The following DEDD2 variants were observed in gnomAD, a reference collection of about 807,000 sequenced individuals.
The protein encoded by DEDD2 is death effector domain containing 2, also known as DNA-binding death effector domain-containing protein 2.
DEDD2 carries 18 observed loss-of-function variants against 28.9 expected under a neutral mutation model. The observed-to-expected ratio is 0.62, with a 90% CI of 0.43 to 0.92. The LOEUF is 0.92. Ranked by LOEUF, DEDD2 falls within the 40% of genes least tolerant of loss-of-function variation. DEDD2 has a pLI of 0.00. For missense variants in DEDD2, 411 were observed against 463.3 expected (o/e 0.89, Z 1.04); for synonymous variants, 211 against 206.1 (o/e 1.02, Z -0.20).
At chr19:42,211,542 T>C (rs1431423170) in intron 3 of DEDD2, among the ~76,000 whole-genome samples, 1 of 152,106 alleles carries the variant, frequency 6.6e-6, no homozygotes, top group Admixed American at 6.5e-5. Context: ...TTCAAGTAAC[T>C]TGAAGAACAT....
chr19:42,209,940 C>A, intron 3 of DEDD2, 100 bp from the exon 4 acceptor site: 1 of 1,396,604 alleles, frequency 7.2e-7, no homozygotes, highest in South Asian at 1.5e-5. Flanking sequence ...GGTGCTGAGA[C>A]CCTGAGTGAG....
In DEDD2 at chr19:42,216,963, A is replaced by C; in HGVS notation, c.45T>G (p.Asp15Glu). The C allele has an allele frequency of 1.2e-6, 2 of 1,601,734 alleles. No homozygotes were observed. The highest frequency in any genetic ancestry group is 1.7e-6 in the Non-Finnish European group (2 of 1,174,682). Residue 15 changes from aspartate (D) to glutamate (E), a missense_variant, in exon 2 of 5, where the codon GAT becomes GAG. Physicochemically the swap from Asp to Glu is conservative, Grantham distance 45 (BLOSUM62 2). Around this residue, in one of 2 missense-constraint regions of DEDD2, gnomAD observed 282 missense variants for 273.4 expected, o/e 1.03. Coordinates refer to ENST00000596251, the MANE Select transcript of DEDD2 (RefSeq NM_133328.4). Reference sequence around the variant, plus strand: ...GCATCCCGTAGTAGTCCAGGCACTCATCCTCCTCCCAGCACGGGGCCGGGG... The same window carrying C: ...GCATCCCGTAGTAGTCCAGGCACTCCTCCTCCTCCCAGCACGGGGCCGGGG... The part of the protein sequence containing the change: ...GSTPAPCWEE[D>E]ECLDYYGMLS...
At chr19:42,201,756 C>G (rs1255973034) in intron 4 of DEDD2, 4 of 375,614 alleles carry the variant, frequency 1.1e-5, no homozygotes, top group Non-Finnish European at 1.9e-5. Flanking sequence ...CACCCAACGC[C>G]CAGGGAAGCC....
At chr19:42,217,171 G>A (rs2036013296) in intron 1 of DEDD2, 126 bp from the exon 2 acceptor site, 2 of 686,006 alleles carry the variant, frequency 2.9e-6, no homozygotes, top group Admixed American at 2.9e-5. Flanking sequence ...CAACCGCCTC[G>A]GCCTCCCCCT....
chr19:42,205,012 G>A (rs1358012078), intron 4 of DEDD2, among the ~76,000 whole-genome samples: 1 of 152,196 alleles, frequency 6.6e-6, no homozygotes, highest in Non-Finnish European at 1.5e-5. Context: ...CACACCCTCA[G>A]AAGCGGGATT....
chr19:42,207,884 C>T (rs1190264593), intron 4 of DEDD2, among the ~76,000 whole-genome samples: 2 of 151,964 alleles, frequency 1.3e-5, no homozygotes, highest in East Asian at 1.9e-4. Context: ...TGACCACATC[C>T]GGCTGGGGAC....
intron 4 of DEDD2, among the ~76,000 whole-genome samples, chr19:42,203,732 G>A (rs912397810): frequency 6.6e-6 from 1 of 152,262 alleles, no homozygotes; most frequent in South Asian, 2.1e-4. Context: ...AGAGAGGACA[G>A]GAGGCAGGAC....
chr19:42,218,200 T>C (rs994397004), upstream of DEDD2, among the ~76,000 whole-genome samples: 4 of 152,112 alleles, frequency 2.6e-5, no homozygotes, highest in Middle Eastern at 3.2e-3. Flanking sequence ...ATCTCAACTG[T>C]GCTCTCTCGT....
At position 42,215,198 on chromosome 19, in the gene DEDD2, C is replaced by T; in HGVS notation, c.383G>A (p.Gly128Asp). 1.9e-6 allele frequency: 3 copies of T among 1,613,668 alleles called. No individual in the cohort carries two copies. The South Asian group carries it at 3.3e-5, about 18-fold the overall frequency. ...TGACTGCCGACGGCGACGGCAGCTA[C>T]CCTCTGTCCTCTTTGAAGAGCTGGA... Reference protein sequence around the residue: ...GTSSSSKRTEGSCRRRRQSSS... With the variant: ...GTSSSSKRTEDSCRRRRQSSS... The change falls in exon 3 of 5, where the codon GGT (glycine) becomes GAT (aspartate). Residue 128 changes from glycine to aspartate, a missense_variant. This residue lies in a region of DEDD2 where 282 missense variants were observed against 273.4 expected (regional missense o/e 1.03). Coordinates refer to ENST00000596251, the MANE Select transcript of DEDD2 (RefSeq NM_133328.4).
intron 3 of DEDD2, among the ~76,000 whole-genome samples, chr19:42,210,756 G>A (rs2035724625): frequency 6.6e-6 from 1 of 151,902 alleles, no homozygotes; most frequent in Admixed American, 6.6e-5. Context: ...AAGTTAAAAT[G>A]AAATAAACCA....
chr19:42,199,910 GCCTTCTCCCTCCACCC>G lies in DEDD2; in HGVS notation c.590-97_590-82del. 2 of 1,480,684 alleles carry G rather than the reference GCCTTCTCCCTCCACCC, an allele frequency of 1.4e-6. No homozygotes were observed. Among genetic ancestry groups the G allele is most frequent in the Non-Finnish European group, 1.8e-6 (2 of 1,109,996 alleles). The allele number at this position is 1,480,684 out of a possible 1,614,324, so 91.7% of individuals were successfully genotyped here. On this transcript the variant is annotated intron_variant, in intron 4 of 4. Coordinates refer to ENST00000596251, the MANE Select transcript of DEDD2 (RefSeq NM_133328.4). This position sits in a 1 kb window ranked among gnomAD's most constrained non-coding sequence, Gnocchi z 7.4. The stretch of plus-strand genomic sequence containing the variant: ...GGGAACGCCACCCTTCCTCCCTCCA[GCCTTCTCCCTCCACCC>G]CCTTCCGGTAGCCACACCCTAGTCC...
At chr19:42,214,646 C>A (rs539859684) in intron 3 of DEDD2, among the ~76,000 whole-genome samples, 4 of 152,106 alleles carry the variant, frequency 2.6e-5, no homozygotes, top group Non-Finnish European at 5.9e-5. Flanking sequence ...CCCTGTAGTT[C>A]TAGTTACTTG....
Position 42,215,016 on chromosome 19 carries a change from C to A in DEDD2, c.448+117G>T, listed in dbSNP as rs2035909124. On this transcript the variant is annotated intron_variant, in intron 3 of 4. Coordinates refer to ENST00000596251, the MANE Select transcript of DEDD2 (RefSeq NM_133328.4). ...GTAGCAATAAACACACACACACACA[C>A]ACACACACACACACAGTGAAAATGA... 7 of 1,405,614 alleles carry A rather than the reference C, an allele frequency of 5.0e-6. 1 individual carries two copies. Among genetic ancestry groups the A allele is most frequent in the East Asian group, 4.6e-5 (2 of 43,184 alleles). 87.1% of individuals were successfully genotyped at this position (1,405,614 alleles called of 1,614,324 possible).
chr19:42,213,813 A>G (rs569861941), intron 3 of DEDD2, among the ~76,000 whole-genome samples: 30 of 152,356 alleles, frequency 2.0e-4, no homozygotes, highest in African/African-American at 3.8e-4. Context: ...AGCAGGAGAC[A>G]TAACAACTGA....
chr19:42,203,982 A>G (rs1484792736), intron 4 of DEDD2, among the ~76,000 whole-genome samples: 1 of 152,162 alleles, frequency 6.6e-6, no homozygotes, highest in Non-Finnish European at 1.5e-5. Flanking sequence ...GCTGTGGGGA[A>G]AAGTTCCCTG....
At position 42,215,361 on chromosome 19, in the gene DEDD2, C is replaced by A; in HGVS notation, c.329-109G>T. 3.7e-6 allele frequency: 5 copies of A among 1,364,214 alleles called. No individual in the cohort carries two copies. In the South Asian group the frequency reaches 6.4e-5, roughly 17 times the overall value. 84.5% of individuals were successfully genotyped at this position (1,364,214 alleles called of 1,614,324 possible). A position where few individuals can be genotyped will look rare whatever the true frequency, so the allele number is the denominator to read the frequency against. On this transcript the variant is annotated intron_variant, in intron 2 of 4. Transcript: ENST00000596251. ...GCCTAAGTTCCCCAGTAGTCAGAGC[C>A]CAAATACCCACTCATTCTCAAACAC...
rs757897306 is a variant in DEDD2, at chr19:42,199,480, C to T, written c.939G>A (p.Leu313=). 12 of 1,612,016 alleles carry T rather than the reference C, an allele frequency of 7.4e-6. No homozygotes were observed. The highest frequency in any genetic ancestry group is 9.3e-6 in the Non-Finnish European group (11 of 1,179,344). ...GGCGCCGCCCCCCTTCCTCCTCCATCAGCAACAGGCGGCGCCGGCCAGCCT... is the reference window on the plus strand; with the variant it reads ...GGCGCCGCCCCCCTTCCTCCTCCATTAGCAACAGGCGGCGCCGGCCAGCCT... The part of the protein sequence containing the change: ...DYEAGRRRLL[L]MEEEGGRRPT... Residue 313 remains leucine, a synonymous_variant, in exon 5 of 5, where the codon CTG becomes CTA. Coordinates refer to ENST00000596251, the MANE Select transcript of DEDD2 (RefSeq NM_133328.4). This position sits in a 1 kb window ranked among gnomAD's most constrained non-coding sequence, Gnocchi z 7.4.
intron 4 of DEDD2, among the ~76,000 whole-genome samples, chr19:42,203,375 CAG>C (rs1206754173): frequency 1.3e-5 from 2 of 152,098 alleles, no homozygotes; most frequent in East Asian, 3.8e-4. Flanking sequence ...GAAAGAAAAA[CAG>C]GAGAGAAAAA....
At chr19:42,210,486 C>T (rs1206217928) in intron 3 of DEDD2, among the ~76,000 whole-genome samples, 1 of 151,936 alleles carries the variant, frequency 6.6e-6, no homozygotes, top group Non-Finnish European at 1.5e-5. Context: ...CTCCGCCTCC[C>T]GGGTTCAAGC....
Sources: allele counts gnomAD v4.1 joint callset (sites outside exome capture counted in the v4.1 genomes callset), GRCh38; gene constraint gnomAD v4.1.1; regional missense constraint gnomAD v4.1.1; non-coding constraint Gnocchi (gnomAD v3.1); transcripts MANE v1.5; gene names NCBI Gene and HGNC (gene_info 2026-07-23, HGNC 2026-07-21).